MED13L: variants seen among roughly 807,000 people sequenced by gnomAD.
The protein encoded by MED13L is mediator of RNA polymerase II transcription subunit 13-like.
MED13L carries 7 observed loss-of-function variants against 220.9 expected under a neutral mutation model. The ratio of observed to expected loss-of-function variants is 0.03; its 90% confidence interval spans 0.02 to 0.06. MED13L has a LOEUF of 0.06. Among genes scored for constraint, MED13L ranks in the 10% least tolerant of loss-of-function variants. The pLI is 1.00. For synonymous variants in MED13L, 1,011 were observed against 1,015.2 expected, an observed-to-expected ratio of 1.00 and a Z score of 0.08; for missense variants, 1,965 against 2,760.5, an observed-to-expected ratio of 0.71 and a Z score of 6.46.
At chr12:116,028,119 C>T (rs1880513381) in intron 4 of MED13L, among the ~76,000 whole-genome samples, 2 of 152,196 alleles carry the variant, frequency 1.3e-5, no homozygotes, top group Admixed American at 6.5e-5. Flanking sequence ...AATGTTCTTT[C>T]TACTAGCTGG....
intron 2 of MED13L, among the ~76,000 whole-genome samples, chr12:116,180,151 C>T (rs1396089523): frequency 6.6e-6 from 1 of 152,192 alleles, no homozygotes; most frequent in African/African-American, 2.4e-5. Flanking sequence ...CTGCTGGCAT[C>T]CAATGGCAGG....
rs527251238 is a variant in MED13L at position 116,211,826 on chromosome 12, GA to G, written c.310+25641del. 2.3e-3 allele frequency among the ~76,000 whole-genome samples: 345 copies of G among 152,138 alleles called. 1 individual carries two copies. Among genetic ancestry groups the G allele is most frequent in the African/African-American group, 7.2e-3 (298 of 41,484 alleles). On this transcript the variant is annotated intron_variant, in intron 2 of 30. Transcript: ENST00000281928. ...TGCTGCCTGTATCATTTTAATCCTCGATTCCATTCCATTTAACACTTTTGTT... is the reference window on the plus strand; with the variant it reads ...TGCTGCCTGTATCATTTTAATCCTCGTTCCATTCCATTTAACACTTTTGTT...
At chr12:116,234,422 G>A (rs1461478734) in intron 2 of MED13L, among the ~76,000 whole-genome samples, 1 of 151,880 alleles carries the variant, frequency 6.6e-6, no homozygotes, top group Admixed American at 6.6e-5. Flanking sequence ...TAGAGAGGGG[G>A]TTTCACTATG....
Position 116,193,985 on chromosome 12 carries a change from T to G in MED13L, c.310+43483A>C, listed in dbSNP as rs1881451209. Reference sequence around the variant, plus strand: ...CACTATTAAAAAGCTCCAATTAACTTTCCAGCCTTTCAGCAATTTACAAAA... The same window carrying G: ...CACTATTAAAAAGCTCCAATTAACTGTCCAGCCTTTCAGCAATTTACAAAA... On this transcript the variant is annotated intron_variant, in intron 2 of 30. Coordinates refer to ENST00000281928, the MANE Select transcript of MED13L (RefSeq NM_015335.5). 2.0e-5 allele frequency among the ~76,000 whole-genome samples: 3 copies of G among 152,186 alleles called. 1 individual carries two copies. In the South Asian group the frequency reaches 6.2e-4, roughly 31 times the overall value.
At chr12:116,268,469 T>C (rs1297478353) in intron 1 of MED13L, among the ~76,000 whole-genome samples, 1 of 152,190 alleles carries the variant, frequency 6.6e-6, no homozygotes, top group Non-Finnish European at 1.5e-5. Context: ...TTCTTAATAA[T>C]ATTGAAATGA....
At chr12:116,028,440 G>A (rs1880529399) in intron 4 of MED13L, among the ~76,000 whole-genome samples, 1 of 152,074 alleles carries the variant, frequency 6.6e-6, no homozygotes, top group African/African-American at 2.4e-5. Flanking sequence ...ACCTCTTTCT[G>A]ATTCGGGGGG....
intron 2 of MED13L, among the ~76,000 whole-genome samples, chr12:116,197,809 C>G (rs906979264): frequency 2.0e-5 from 3 of 151,688 alleles, no homozygotes; most frequent in Non-Finnish European, 4.4e-5. Flanking sequence ...TACTCACCAG[C>G]TGCTAGCTAA....
At chr12:116,078,010 G>GGCACCTA (rs1212820015) in intron 4 of MED13L, among the ~76,000 whole-genome samples, 1 of 151,904 alleles carries the variant, frequency 6.6e-6, no homozygotes, top group Non-Finnish European at 1.5e-5. Context: ...CGGGCATGGT[G>GGCACCTA]GCACCTAACT....
intron 4 of MED13L, among the ~76,000 whole-genome samples, chr12:116,091,711 T>A (rs12322227): frequency 7.9e-5 from 12 of 152,214 alleles, no homozygotes; most frequent in Admixed American, 5.2e-4. Context: ...TTTCACCACT[T>A]GAAACTGCCA....
intron 17 of MED13L, 134 bp downstream of exon 17, chr12:115,990,886 C>T (rs1878012133): frequency 1.1e-6 from 1 of 895,126 alleles, no homozygotes. Flanking sequence ...CAATACAGCT[C>T]TCACTTTAGG....
rs764615602 is a variant in MED13L, at chr12:115,983,232, G to C, written c.4840C>G (p.Gln1614Glu). The change falls in exon 21 of 31, where the codon CAG becomes GAG. Residue 1614 changes from glutamine (Q) to glutamate (E), a missense_variant. Gln to Glu is a conservative substitution (Grantham distance 29). Around this residue, in one of 10 missense-constraint regions of MED13L, gnomAD observed 510 missense variants for 620.4 expected, o/e 0.82. Coordinates refer to ENST00000281928, the MANE Select transcript of MED13L (RefSeq NM_015335.5). Reference protein sequence around the residue: ...SSGFSGSVGGQNPSTGGISAD... With the variant: ...SSGFSGSVGGENPSTGGISAD... ...GAAATGCCCCCAGTGCTGGGGTTCT[G>C]CCCTCCAACACTACCACTGAATCCT... 1 of 1,614,138 alleles carries C rather than the reference G, an allele frequency of 6.2e-7. No homozygotes were observed.
intron 13 of MED13L, among the ~76,000 whole-genome samples, chr12:116,003,900 A>C (rs1479611956): frequency 6.6e-6 from 1 of 152,222 alleles, no homozygotes; most frequent in East Asian, 1.9e-4. Context: ...ATTCTAAGGT[A>C]AACCGCTCAT....
At chr12:115,986,591 T>A in intron 18 of MED13L, 102 bp from the exon 19 acceptor site, 1 of 1,039,260 alleles carries the variant, frequency 9.6e-7, no homozygotes, top group Non-Finnish European at 1.5e-6. Context: ...GCATCTGAAA[T>A]GTCACTCCAT....
intron 2 of MED13L, among the ~76,000 whole-genome samples, chr12:116,197,931 G>T (rs762653722): frequency 3.9e-5 from 6 of 152,060 alleles, no homozygotes; most frequent in East Asian, 1.9e-4. Flanking sequence ...AAAGCCAAAA[G>T]AATTTTAACA....
At chr12:116,165,974 T>C (rs1389530502) in intron 2 of MED13L, among the ~76,000 whole-genome samples, 1 of 152,212 alleles carries the variant, frequency 6.6e-6, no homozygotes, top group East Asian at 1.9e-4. Context: ...CAAGGGCTGC[T>C]GTCCTTTCTG....
intron 23 of MED13L, chr12:115,980,446 C>T (rs1877245497): frequency 2.7e-6 from 1 of 374,272 alleles, no homozygotes; most frequent in Admixed American, 3.8e-5. Context: ...ACCTCAGCCT[C>T]CCAAACAGCC....
At chr12:116,152,169 GC>G (rs1237895278) in intron 2 of MED13L, among the ~76,000 whole-genome samples, 1 of 152,044 alleles carries the variant, frequency 6.6e-6, no homozygotes, top group Non-Finnish European at 1.5e-5. Flanking sequence ...TCCGTATAAA[GC>G]CCCCAAAAGG....
chr12:116,264,508 T>C (rs1872703779), intron 1 of MED13L, among the ~76,000 whole-genome samples: 1 of 152,242 alleles, frequency 6.6e-6, no homozygotes, highest in African/African-American at 2.4e-5. Flanking sequence ...AGCTCACTAC[T>C]TTTAATCCTT....
At chr12:116,035,488 G>A (rs1881127672) in intron 4 of MED13L, among the ~76,000 whole-genome samples, 1 of 151,968 alleles carries the variant, frequency 6.6e-6, no homozygotes, top group Non-Finnish European at 1.5e-5. Context: ...CATTTATAAG[G>A]TATCATATAA....
Sources: gnomAD v4.1 joint callset for allele counts (sites outside exome capture counted in the v4.1 genomes callset) on GRCh38, gnomAD v4.1.1 for gene constraint, gnomAD v4.1.1 regional missense constraint, MANE v1.5 for transcripts, NCBI Gene and HGNC (gene_info 2026-07-23, HGNC 2026-07-21) for gene names.